Variants in DOCK8 observed in about 807,000 individuals in gnomAD.
DOCK8 encodes dedicator of cytokinesis 8, also known as dedicator of cytokinesis protein 8.
A neutral mutation model predicts 245.6 loss-of-function variants in DOCK8; 141 were observed. That is an observed-to-expected ratio of 0.57 (90% CI 0.50 to 0.66). The LOEUF is 0.66. Among genes scored for constraint, DOCK8 ranks in the 30% least tolerant of loss-of-function variants. DOCK8 has a pLI of 0.00. For synonymous variants in DOCK8, 1,168 were observed against 970.2 expected (o/e 1.20, Z -3.79); for missense variants, 2,965 against 2,603.4 (o/e 1.14, Z -3.02).
chr9:459,565 A>G (rs895404003), intron 46 of DOCK8, among the ~76,000 whole-genome samples: 2 of 152,164 alleles, frequency 1.3e-5, no homozygotes, highest in African/African-American at 2.4e-5. Context: ...ATACTTGCCT[A>G]TGATGTGGTC....
At chr9:400,003 A>ACCT (rs1359185762) in intron 26 of DOCK8, among the ~76,000 whole-genome samples, 1 of 105,450 alleles carries the variant, frequency 9.5e-6, no homozygotes, top group South Asian at 3.5e-4. Flanking sequence ...CACCTCCACC[A>ACCT]CCTCCACCAT....
At chr9:402,783 AC>A (rs1448571339) in intron 26 of DOCK8, among the ~76,000 whole-genome samples, 2 of 152,188 alleles carry the variant, frequency 1.3e-5, no homozygotes, top group African/African-American at 4.8e-5. Context: ...CTAAGCAAAC[AC>A]CCATCCCTTG....
At chr9:392,637 A>G (rs1464182292) in intron 24 of DOCK8, among the ~76,000 whole-genome samples, 1 of 152,138 alleles carries the variant, frequency 6.6e-6, no homozygotes, top group Non-Finnish European at 1.5e-5. Flanking sequence ...GTCTTTTGGA[A>G]TTTGTACTCA....
At chr9:395,058 C>T (rs968134561) in intron 24 of DOCK8, among the ~76,000 whole-genome samples, 1 of 152,178 alleles carries the variant, frequency 6.6e-6, no homozygotes, top group African/African-American at 2.4e-5. Flanking sequence ...GCCTTATCTT[C>T]TTAAGTCCTT....
intron 4 of DOCK8, among the ~76,000 whole-genome samples, chr9:302,904 G>T (rs771211420): frequency 1.2e-4 from 18 of 151,860 alleles, no homozygotes; most frequent in Non-Finnish European, 2.2e-4. Context: ...GAGGCAGGAG[G>T]ATTATTTGAA....
intron 25 of DOCK8, among the ~76,000 whole-genome samples, chr9:398,690 G>A (rs761630878): frequency 1.4e-4 from 22 of 152,094 alleles, no homozygotes; most frequent in Non-Finnish European, 2.4e-4. Context: ...AATTTCTTAG[G>A]TAAAAACTAA....
intron 1 of DOCK8, among the ~76,000 whole-genome samples, chr9:245,939 G>A (rs2047495216): frequency 6.6e-6 from 1 of 152,132 alleles, no homozygotes; most frequent in Non-Finnish European, 1.5e-5. Flanking sequence ...TGGGCATCTG[G>A]CTGGGCATGG....
chr9:329,799 A>G (rs2050925837), intron 9 of DOCK8, among the ~76,000 whole-genome samples: 1 of 152,222 alleles, frequency 6.6e-6, no homozygotes, highest in Non-Finnish European at 1.5e-5. Context: ...GTGGTTACCC[A>G]TTGGTTCCTA....
In DOCK8 at chr9:446,376, A is replaced by G; in HGVS notation, c.5587A>G (p.Ile1863Val). 1.9e-6 allele frequency: 3 copies of G among 1,614,116 alleles called. No homozygotes were observed. Among genetic ancestry groups the G allele is most frequent in the Non-Finnish European group, 2.5e-6 (3 of 1,179,940 alleles). Residue 1863 changes from isoleucine (I) to valine (V), a missense_variant, in exon 44 of 48, where the codon ATA becomes GTA. Physicochemically the swap from Ile to Val is conservative, Grantham distance 29. Coordinates refer to ENST00000432829, the MANE Select transcript of DOCK8 (RefSeq NM_203447.4). ...CGTGCCTTTTCCCCCTTAGGCCTAC[A>G]TACAGATCACTTTTGTGGAGCCCTA... ...KTKLDPNKAY[I>V]QITFVEPYFD...
intron 1 of DOCK8, among the ~76,000 whole-genome samples, chr9:239,215 GCA>G (rs1395118174): frequency 1.3e-5 from 2 of 152,096 alleles, no homozygotes; most frequent in Non-Finnish European, 2.9e-5. Flanking sequence ...ACGCATGGCC[GCA>G]CACACACGTG....
chr9:350,258 G>C (rs891077536), intron 14 of DOCK8, among the ~76,000 whole-genome samples: 1 of 152,118 alleles, frequency 6.6e-6, no homozygotes, highest in East Asian at 1.9e-4. Flanking sequence ...GACCACTGCT[G>C]TGTGTCACCA....
At chr9:333,456 C>T (rs2051138044) in intron 10 of DOCK8, among the ~76,000 whole-genome samples, 1 of 152,118 alleles carries the variant, frequency 6.6e-6, no homozygotes, top group Non-Finnish European at 1.5e-5. Flanking sequence ...AAAAAATTAG[C>T]CGGGCATGGT....
intron 35 of DOCK8, among the ~76,000 whole-genome samples, chr9:428,890 G>A (rs1007133933): frequency 1.3e-5 from 2 of 152,202 alleles, no homozygotes; most frequent in African/African-American, 4.8e-5. Context: ...ATGCCAGGAA[G>A]GTCAGAAATG....
chr9:317,984 A>C (rs1029030157), intron 7 of DOCK8, among the ~76,000 whole-genome samples: 2 of 152,194 alleles, frequency 1.3e-5, no homozygotes, highest in African/African-American at 2.4e-5. Context: ...GCAAAAAAAA[A>C]AAATCCTCTA....
intron 1 of DOCK8, among the ~76,000 whole-genome samples, chr9:231,043 T>C (rs1316219292): frequency 5.3e-5 from 8 of 152,206 alleles, no homozygotes; most frequent in African/African-American, 1.9e-4. Flanking sequence ...AGGTCTAACA[T>C]TTAAGTCTTT....
chr9:396,410 C>G (rs557593695), intron 24 of DOCK8, among the ~76,000 whole-genome samples: 1 of 152,322 alleles, frequency 6.6e-6, no homozygotes, highest in African/African-American at 2.4e-5. Context: ...CTGTTCCTTT[C>G]TGAGTCATGT....
At position 426,923 on chromosome 9, in the gene DOCK8, G is replaced by A. The variant is rs1267167926; in HGVS notation, c.4280G>A (p.Gly1427Asp). The A allele has an allele frequency of 2.5e-6, 4 of 1,614,090 alleles. No individual in the cohort carries two copies. The highest frequency in any genetic ancestry group is 1.7e-5 in the Admixed American group (1 of 60,026). The change falls in exon 34 of 48, where the codon GGC (glycine) becomes GAC (aspartate). Residue 1427 changes from glycine to aspartate, a missense_variant. Transcript: ENST00000432829. ...TTAGATCAAGAAGCCTTGATCAGTGGCAATCTGGCTACAGAAGCACATTTA... is the reference window on the plus strand; with the variant it reads ...TTAGATCAAGAAGCCTTGATCAGTGACAATCTGGCTACAGAAGCACATTTA... ...AELDQEALISGNLATEAHLII... is the reference protein window; with the variant it reads ...AELDQEALISDNLATEAHLII...
intron 26 of DOCK8, among the ~76,000 whole-genome samples, chr9:400,958 ACCACCACCTCCTCCACCATCACCACCT>A (rs2055026844): frequency 4.4e-5 from 3 of 67,820 alleles, no homozygotes; most frequent in Non-Finnish European, 4.7e-5. Context: ...CACCACCACC[ACCACCACCTCCTCCACCATCACCACCT>A]CCTCCACCAC....
intron 5 of DOCK8, among the ~76,000 whole-genome samples, chr9:311,705 G>A (rs2050120990): frequency 6.6e-6 from 1 of 152,150 alleles, no homozygotes; most frequent in Admixed American, 6.6e-5. Flanking sequence ...CTTTCCTCAG[G>A]ACTGGTTTGT....
Sources: gnomAD v4.1 joint callset for allele counts (sites outside exome capture counted in the v4.1 genomes callset) on GRCh38, gnomAD v4.1.1 for gene constraint, MANE v1.5 for transcripts, NCBI Gene and HGNC (gene_info 2026-07-23, HGNC 2026-07-21) for gene names.